Variants in RECQL4 observed in about 807,000 individuals in gnomAD.
The protein encoded by RECQL4 is RecQ like helicase 4.
In RECQL4, 158 loss-of-function variants were observed where a neutral mutation model predicts 128.6. The observed-to-expected ratio is 1.23, with a 90% CI of 1.08 to 1.40. RECQL4 has a LOEUF of 1.40. Among genes scored for constraint, RECQL4 ranks in the 40% most tolerant of loss-of-function variants. The pLI, the probability that RECQL4 is intolerant of heterozygous loss-of-function variation, is 0.00. For missense variants in RECQL4, 2,293 were observed against 1,649.8 expected (o/e 1.39, Z -6.75); for synonymous variants, 996 against 678.9 (o/e 1.47, Z -7.26).
rs776146178 is a variant in RECQL4 at position 144,511,526 on chromosome 8, C to T, written c.3532G>A (p.Gly1178Arg). The change falls in exon 21 of 21, where the codon GGG (glycine) becomes AGG (arginine). Residue 1178 changes from glycine to arginine, a missense_variant. Physicochemically the swap from Gly to Arg is moderately radical, Grantham distance 125. Transcript: ENST00000617875. ...TTTCTCCAGAAGCGTCGGTCCTGCCCGTACACCTGGGCCGGGTAGCAGGGG... is the reference window on the plus strand; with the variant it reads ...TTTCTCCAGAAGCGTCGGTCCTGCCTGTACACCTGGGCCGGGTAGCAGGGG... ...GSPCYPAQVY[G>R]QDRRFWRKYL... is the part of the protein sequence containing the mutation. The T allele has an allele frequency of 6.6e-5, 106 of 1,612,420 alleles. 1 individual carries two copies. Among genetic ancestry groups the T allele is most frequent in the Middle Eastern group, 3.3e-4 (2 of 6,082 alleles).
Position 144,514,342 on chromosome 8 carries a change from G to T in RECQL4, c.1725C>A (p.His575Gln). 6.2e-7 allele frequency: 1 copy of T among 1,605,868 alleles called. No individual in the cohort carries two copies. Among genetic ancestry groups the T allele is most frequent in the Non-Finnish European group, 8.5e-7 (1 of 1,175,450 alleles). Reference protein sequence around the residue: ...VLQKIRAAQVHVLMLTPEALV... With the variant: ...VLQKIRAAQVQVLMLTPEALV... ...GTGCCTCAGGTGTCAGCATCAGCAC[G>T]TGTACCTGGGCTGCCCGAATCTGAA... Residue 575 changes from histidine (H) to glutamine (Q), a missense_variant, in exon 11 of 21, where the codon CAC (histidine) becomes CAA (glutamine). By Grantham distance (24) the His-to-Gln change is conservative. Coordinates refer to ENST00000617875, the MANE Select transcript of RECQL4 (RefSeq NM_004260.4).
chr8:144,513,777 TGAG>T (rs1827716122), intron 12 of RECQL4, 65 bp from the exon 13 acceptor site: 4 of 1,077,130 alleles, frequency 3.7e-6, no homozygotes, highest in South Asian at 1.8e-5. Flanking sequence ...CAGTGGGGAG[TGAG>T]GAGGGGTCGG....
chr8:144,517,613 T>G lies in RECQL4; in HGVS notation c.107A>C (p.Glu36Ala), dbSNP rs1815401805. ...CGCCGCGCGCTCACCGCGGGTCTCC[T>G]CCGGCGCCGCCTCCACGTCGTCCTG... The part of the protein sequence containing the change: ...PSQDDVEAAP[E>A]ETRALYREYR... Residue 36 changes from glutamate to alanine, a missense_variant, in exon 2 of 21, where the codon GAG (glutamate) becomes GCG (alanine). Transcript: ENST00000617875. The G allele has an allele frequency of 1.3e-6, 2 of 1,486,732 alleles. No homozygotes were observed. The highest frequency in any genetic ancestry group is 1.8e-6 in the Non-Finnish European group (2 of 1,126,544). 92.1% of individuals were successfully genotyped at this position (1,486,732 alleles called of 1,614,324 possible).
At position 144,514,305 on chromosome 8, in the gene RECQL4, C is replaced by T. The variant is rs1476505217; in HGVS notation, c.1762G>A (p.Gly588Arg). 3 of 1,609,968 alleles carry T rather than the reference C, an allele frequency of 1.9e-6. No homozygotes were observed. Among genetic ancestry groups the T allele is most frequent in the Admixed American group, 3.3e-5 (2 of 59,860 alleles). Residue 588 changes from glycine to arginine, a missense_variant, in exon 11 of 21, where the codon GGA (glycine) becomes AGA (arginine). Gly to Arg is a moderately radical substitution (Grantham distance 125). Coordinates refer to ENST00000617875, the MANE Select transcript of RECQL4 (RefSeq NM_004260.4). ...AGCTGTGCGGCTGGAGGGAGGCCTCCCGCCCCCACCAGTGCCTCAGGTGTC... is the reference window on the plus strand; with the variant it reads ...AGCTGTGCGGCTGGAGGGAGGCCTCTCGCCCCCACCAGTGCCTCAGGTGTC... The part of the protein sequence containing the change: ...MLTPEALVGA[G>R]GLPPAAQLPP...
rs1815343882 is a variant in RECQL4 at position 144,517,428 on chromosome 8, C to G, written c.199G>C (p.Ala67Pro). ...GGLRSSESLP[A>P]AAEEAPEPRC... The stretch of plus-strand genomic sequence containing the variant: ...GGCCTGGGTACCTCTTCGGCCGCCG[C>G]GGGGAGCGACTCGGAGCTGCGGAGC... Residue 67 changes from alanine to proline, a missense_variant, in exon 3 of 21, where the codon GCG becomes CCG. By Grantham distance (27) the Ala-to-Pro change is conservative. Coordinates refer to ENST00000617875, the MANE Select transcript of RECQL4 (RefSeq NM_004260.4). 1.9e-6 allele frequency: 3 copies of G among 1,580,304 alleles called. No individual in the cohort carries two copies. The highest frequency in any genetic ancestry group is 1.1e-5 in the South Asian group (1 of 87,708).
Position 144,515,155 on chromosome 8 carries a change from A to T in RECQL4, c.1478T>A (p.Leu493Gln). ...GCCCTGGCAGCCACGCTCACCAGAC[A>T]GGATCCGCATGACTGCACGCTCCTG... The part of the protein sequence containing the change: ...PGQERAVMRI[L>Q]SGISTLLVLP... The change falls in exon 8 of 21, where the codon CTG becomes CAG. Residue 493 changes from leucine to glutamine, a missense_variant. Leu to Gln is a moderately radical substitution (Grantham distance 113, BLOSUM62 -2). Transcript: ENST00000617875. The T allele has an allele frequency of 1.3e-6, 2 of 1,565,648 alleles. No individual in the cohort carries two copies. The highest frequency in any genetic ancestry group is 2.3e-5 in the South Asian group (2 of 85,426).
Position 144,514,981 on chromosome 8 carries a change from G to A in RECQL4, c.1575C>T (p.Cys525=), listed in dbSNP as rs1318317428. ...GCAGGGGAGAGACGACCAACGTGAG[G>A]CAGGGGCTGCGCCGGCTGTAGAGCA... The part of the protein sequence containing the change: ...PALLYSRRSP[C]LTLVVSPLLS... Residue 525 remains cysteine (C), a synonymous_variant, in exon 9 of 21, where the codon TGC becomes TGT. Coordinates refer to ENST00000617875, the MANE Select transcript of RECQL4 (RefSeq NM_004260.4). 1.2e-6 allele frequency: 2 copies of A among 1,611,764 alleles called. No individual in the cohort carries two copies. Among genetic ancestry groups the A allele is most frequent in the African/African-American group, 1.3e-5 (1 of 74,902 alleles).
chr8:144,514,020 G>A lies in RECQL4; in HGVS notation c.1966C>T (p.Leu656=), dbSNP rs55667349. The A allele has an allele frequency of 3.6e-5, 56 of 1,572,622 alleles. No individual in the cohort carries two copies. Among genetic ancestry groups the A allele is most frequent in the East Asian group, 2.6e-4 (11 of 42,314 alleles). Residue 656 remains leucine, a synonymous_variant, in exon 12 of 21, where the codon CTG becomes TTG. Transcript: ENST00000617875. ...RRTASDVAQH[L]AVAEEPDLHG... is the part of the protein sequence containing the mutation. ...AGGTCAGGCTCTTCAGCCACAGCCA[G>A]GTGCTGTGCCACGTCACTGGCAGTG...
rs568000575 is a variant in RECQL4, at chr8:144,517,648, C to A, written c.85-13G>T. On this transcript the variant is annotated splice_polypyrimidine_tract_variant and intron_variant, in intron 1 of 20. Transcript: ENST00000617875. ...CCTCCACGTCGTCCTGTAAAGGGAA[C>A]GCGTCAGCCGCGGGCCGCGCCCTCA... 1.7e-4 allele frequency: 252 copies of A among 1,475,846 alleles called. 1 individual carries two copies. In the African/African-American group the frequency reaches 2.7e-3, roughly 16 times the overall value. 91.4% of individuals were successfully genotyped at this position (1,475,846 alleles called of 1,614,324 possible).
In RECQL4 at chr8:144,515,813, A is replaced by G. The variant is rs949806741; in HGVS notation, c.1209T>C (p.Cys403=). 10 of 1,612,812 alleles carry G rather than the reference A, an allele frequency of 6.2e-6. No homozygotes were observed. Among genetic ancestry groups the G allele is most frequent in the East Asian group, 2.2e-5 (1 of 44,882 alleles). The change falls in exon 6 of 21, where the codon TGT becomes TGC. Residue 403 remains cysteine, a synonymous_variant. Coordinates refer to ENST00000617875, the MANE Select transcript of RECQL4 (RefSeq NM_004260.4). ...GGATVTTKES[C]FLNEQFDHWA... is the part of the protein sequence containing the mutation. ...AGTGATCGAACTGCTCGTTCAGGAA[A>G]CAAGACTCCTTGGTTGTGACTGTGG... is the stretch of plus-strand genomic sequence containing the variant.
rs199543866 is a variant in RECQL4, at chr8:144,517,096, G to A, written c.308C>T (p.Pro103Leu). 1,853 of 1,612,326 alleles carry A rather than the reference G, an allele frequency of 1.1e-3. No homozygotes were observed. The highest frequency in any genetic ancestry group is 1.5e-3 in the Non-Finnish European group (1,736 of 1,179,758). The change falls in exon 4 of 21, where the codon CCG (proline) becomes CTG (leucine). Residue 103 changes from proline (P) to leucine (L), a missense_variant. Transcript: ENST00000617875. The part of the protein sequence containing the change: ...TPGRSRQGSV[P>L]DYGQRLKANL... ...GGCCTTGAGCCGCTGCCCGTAGTCCGGCACCGAGCCCTGGCGGCTCCGCCC... is the reference window on the plus strand; with the variant it reads ...GGCCTTGAGCCGCTGCCCGTAGTCCAGCACCGAGCCCTGGCGGCTCCGCCC...
In RECQL4 at chr8:144,515,697, C is replaced by A; in HGVS notation, c.1258+67G>T. 1.9e-6 allele frequency: 3 copies of A among 1,573,264 alleles called. No homozygotes were observed. The Admixed American group carries it at 5.3e-5, about 28-fold the overall frequency. ...GCCTGTTGCTTGGAACATAAGTGTC[C>A]CCCAAAAGAGCACTGCGCCCTCTCC... is the stretch of plus-strand genomic sequence containing the variant. On this transcript the variant is annotated intron_variant, in intron 6 of 20. Coordinates refer to ENST00000617875, the MANE Select transcript of RECQL4 (RefSeq NM_004260.4).
chr8:144,512,578 A>G lies in RECQL4; in HGVS notation c.2886-17T>C, dbSNP rs2130664636. The G allele has an allele frequency of 6.2e-7, 1 of 1,612,000 alleles. No individual in the cohort carries two copies. The highest frequency in any genetic ancestry group is 8.5e-7 in the Non-Finnish European group (1 of 1,179,364). On this transcript the variant is annotated splice_polypyrimidine_tract_variant and intron_variant, in intron 16 of 20. Coordinates refer to ENST00000617875, the MANE Select transcript of RECQL4 (RefSeq NM_004260.4). ...GGGGGACACCTGTGCCCAGGGAAAA[A>G]GGGACATGTGGCCAACAGCCCTGAT...
chr8:144,516,864 C>T, intron 4 of RECQL4, 100 bp from the exon 5 acceptor site: 4 of 1,384,308 alleles, frequency 2.9e-6, no homozygotes, highest in Non-Finnish European at 3.9e-6. Flanking sequence ...GTAGAGCAGG[C>T]TAATTAGCAC....
rs1827929677 is a variant in RECQL4, at chr8:144,514,933, C to T, written c.1620+3G>A. 1 of 1,611,004 alleles carries T rather than the reference C, an allele frequency of 6.2e-7. No homozygotes were observed. Among genetic ancestry groups the T allele is most frequent in the Non-Finnish European group, 8.5e-7 (1 of 1,179,418 alleles). On this transcript the variant is annotated splice_donor_region_variant and intron_variant, in intron 9 of 20. Coordinates refer to ENST00000617875, the MANE Select transcript of RECQL4 (RefSeq NM_004260.4). The stretch of plus-strand genomic sequence containing the variant: ...ACGTGTGCCCAGGGCCCTGTGTGCA[C>T]ACCTGGTCATCCATGAGTGACAGCA...
In RECQL4 at chr8:144,512,789, C is replaced by A. The variant is rs1346254350; in HGVS notation, c.2756-18G>T. ...CTCGATGGCTGGGGGCAGAGCAGGG[C>A]TCAGCGGACGCGGGGACAGCCCCTC... On this transcript the variant is annotated intron_variant, in intron 15 of 20. Coordinates refer to ENST00000617875, the MANE Select transcript of RECQL4 (RefSeq NM_004260.4). 6.2e-7 allele frequency: 1 copy of A among 1,611,228 alleles called. No homozygotes were observed. The highest frequency in any genetic ancestry group is 1.7e-5 in the Admixed American group (1 of 59,862).
rs894655155 is a variant in RECQL4, at chr8:144,517,386, G to A, written c.213+28C>T. 10 of 1,542,848 alleles carry A rather than the reference G, an allele frequency of 6.5e-6. No homozygotes were observed. The Admixed American group carries it at 1.2e-4, about 18-fold the overall frequency. ...CACTCCGCCAAACAGGGAAGTGGGA[G>A]GAGGCTGGGGCGGCGGGGCCTGGGT... is the stretch of plus-strand genomic sequence containing the variant. On this transcript the variant is annotated intron_variant, in intron 3 of 20. Coordinates refer to ENST00000617875, the MANE Select transcript of RECQL4 (RefSeq NM_004260.4).
rs369815468 is a variant in RECQL4, at chr8:144,515,862, C to A, written c.1160G>T (p.Gly387Val). ...GGCACCACCACCCCCAAAACACTCC[C>A]CTTTCTTCCGCCACTTCTGCTTCCA... ...QAWKQKWRKK[G>V]ECFGGGGATV... The change falls in exon 6 of 21, where the codon GGG (glycine) becomes GTG (valine). Residue 387 changes from glycine to valine, a missense_variant. Physicochemically the swap from Gly to Val is moderately radical, Grantham distance 109 (BLOSUM62 -3). Coordinates refer to ENST00000617875, the MANE Select transcript of RECQL4 (RefSeq NM_004260.4). 6.4e-5 allele frequency: 103 copies of A among 1,612,984 alleles called. No homozygotes were observed. In the African/African-American group the frequency reaches 1.1e-3, roughly 18 times the overall value.
In RECQL4 at chr8:144,513,150, C is replaced by T; in HGVS notation, c.2464-12G>A. ...CGCAGGTCTTCGCCCTGCAGGGCAACTTTCATGAGGGTGGGGTGGACCACT... is the reference window on the plus strand; with the variant it reads ...CGCAGGTCTTCGCCCTGCAGGGCAATTTTCATGAGGGTGGGGTGGACCACT... On this transcript the variant is annotated splice_polypyrimidine_tract_variant and intron_variant, in intron 14 of 20. Coordinates refer to ENST00000617875, the MANE Select transcript of RECQL4 (RefSeq NM_004260.4). 3 of 1,496,952 alleles carry T rather than the reference C, an allele frequency of 2.0e-6. No individual in the cohort carries two copies. The highest frequency in any genetic ancestry group is 2.7e-6 in the Non-Finnish European group (3 of 1,123,534). The allele number at this position is 1,496,952 out of a possible 1,614,324, so 92.7% of individuals were successfully genotyped here. A position where few individuals can be genotyped will look rare whatever the true frequency, so the allele number is the denominator to read the frequency against.
Sources: gnomAD v4.1 joint callset for allele counts on GRCh38, gnomAD v4.1.1 for gene constraint, MANE v1.5 for transcripts, NCBI Gene and HGNC (gene_info 2026-07-23, HGNC 2026-07-21) for gene names.